MPDZ: variants seen among roughly 807,000 people sequenced by gnomAD.
The protein encoded by MPDZ is multiple PDZ domain crumbs cell polarity complex component.
Under a neutral mutation model 239.1 loss-of-function variants are expected in MPDZ, and 234 were observed. The ratio of observed to expected loss-of-function variants is 0.98; its 90% CI spans 0.88 to 1.09. The LOEUF (loss-of-function observed/expected upper bound fraction) is 1.09. Ranked by LOEUF, MPDZ falls within the 50% of genes least tolerant of loss-of-function variation. The pLI is 0.00. For missense variants in MPDZ, 3,175 were observed against 2,510.0 expected (o/e 1.26, Z -5.66); for synonymous variants, 1,048 against 881.3 (o/e 1.19, Z -3.35).
At chr9:13,187,297 G>C (rs4574941) in intron 17 of MPDZ, among the ~76,000 whole-genome samples, 1 of 147,478 alleles carries the variant, frequency 6.8e-6, no homozygotes, top group South Asian at 2.1e-4. Context: ...GAACTATACA[G>C]AAAAAAAAAA....
chr9:13,122,253 C>T (rs1586958675), intron 36 of MPDZ, 83 bp from the exon 37 acceptor site: 1 of 1,184,088 alleles, frequency 8.4e-7, no homozygotes, highest in Non-Finnish European at 1.2e-6. Flanking sequence ...ACACATTATA[C>T]TTTGATAGAC....
chr9:13,257,214 G>C (rs1185247248), intron 1 of MPDZ, among the ~76,000 whole-genome samples: 1 of 152,148 alleles, frequency 6.6e-6, no homozygotes, highest in African/African-American at 2.4e-5. Flanking sequence ...TTCAATATCT[G>C]TTAGGCACCA....
chr9:13,168,610 C>T (rs1951388743), intron 21 of MPDZ, 46 bp from the exon 22 acceptor site: 1 of 1,276,086 alleles, frequency 7.8e-7, no homozygotes, highest in African/African-American at 1.6e-5. Context: ...CATGATTTTT[C>T]AATTCATTTT....
At chr9:13,147,768 T>G (rs904345822) in intron 25 of MPDZ, 110 bp from the exon 26 acceptor site, 2 of 727,060 alleles carry the variant, frequency 2.8e-6, no homozygotes, top group African/African-American at 1.8e-5. Context: ...AAATCTGTTT[T>G]AATATCAAAA....
chr9:13,133,726 G>A, intron 32 of MPDZ, 98 bp downstream of exon 32: 3 of 776,524 alleles, frequency 3.9e-6, no homozygotes, highest in Non-Finnish European at 6.4e-6. Flanking sequence ...TGATGCTGAT[G>A]CTGTTAATCT....
Position 13,223,593 on chromosome 9 carries a change from G to GT in MPDZ, c.510dup (p.Gln171ThrfsTer8). 1 of 1,612,110 alleles carries GT rather than the reference G, an allele frequency of 6.2e-7. No homozygotes were observed. The highest frequency in any genetic ancestry group is 8.5e-7 in the Non-Finnish European group (1 of 1,178,754). ...CACCTATGGGCCACACTGCCCTCTT[G>GT]TATCTCTTGAACAAATATTCCCAGC... is the stretch of plus-strand genomic sequence containing the variant. On this transcript the variant is annotated frameshift_variant, in exon 5 of 47. Transcript: ENST00000319217. LOFTEE classifies it high-confidence loss of function.
intron 19 of MPDZ, among the ~76,000 whole-genome samples, chr9:13,179,397 A>T (rs993199987): frequency 2.0e-5 from 3 of 152,198 alleles, no homozygotes; most frequent in African/African-American, 7.2e-5. Flanking sequence ...AAAAGAGGTC[A>T]AGTCGCCCTT....
intron 24 of MPDZ, among the ~76,000 whole-genome samples, chr9:13,154,901 T>C (rs1239554769): frequency 1.3e-5 from 2 of 152,114 alleles, no homozygotes; most frequent in Non-Finnish European, 2.9e-5. Flanking sequence ...AAGGGAACAT[T>C]CATATATTGG....
intron 1 of MPDZ, 72 bp downstream of exon 1, chr9:13,279,328 T>C (rs1389536432): frequency 3.4e-5 from 4 of 117,894 alleles, no homozygotes; most frequent in African/African-American, 1.2e-4. Flanking sequence ...CCCGCGCACC[T>C]TCCCCGCCGG....
intron 10 of MPDZ, among the ~76,000 whole-genome samples, chr9:13,207,738 C>T (rs971479056): frequency 3.3e-5 from 5 of 152,126 alleles, no homozygotes; most frequent in African/African-American, 1.2e-4. Context: ...CAAGGACAGG[C>T]TCTGTATCAT....
At chr9:13,213,514 A>G (rs112331150) in intron 10 of MPDZ, among the ~76,000 whole-genome samples, 4 of 152,192 alleles carry the variant, frequency 2.6e-5, no homozygotes, top group African/African-American at 9.6e-5. Context: ...TGTGAAGAAC[A>G]TTACTGCAAA....
In MPDZ at chr9:13,175,848, A is replaced by C; in HGVS notation, c.2959T>G (p.Ser987Ala). The change falls in exon 21 of 47, where the codon TCC (serine) becomes GCC (alanine). Residue 987 changes from serine to alanine, a missense_variant. Physicochemically the swap from Ser to Ala is moderately conservative, Grantham distance 99 (BLOSUM62 1). Transcript: ENST00000319217. ...KGSEYLLEQSSLACNAECVML... is the reference protein window; with the variant it reads ...KGSEYLLEQSALACNAECVML... ...ACACACTCAGCATTACAGGCCAGGG[A>C]GCTCTGTTCAAGCAGGTACTCAGAG... 5.0e-6 allele frequency: 8 copies of C among 1,593,846 alleles called. No homozygotes were observed. Among genetic ancestry groups the C allele is most frequent in the South Asian group, 2.3e-5 (2 of 87,346 alleles).
At chr9:13,154,506 T>G (rs545892109) in intron 24 of MPDZ, among the ~76,000 whole-genome samples, 1 of 152,282 alleles carries the variant, frequency 6.6e-6, no homozygotes, top group Admixed American at 6.5e-5. Context: ...GGGCATTTAT[T>G]TAGTCTCTGT....
chr9:13,152,115 A>C (rs1949253677), intron 24 of MPDZ, among the ~76,000 whole-genome samples: 1 of 152,128 alleles, frequency 6.6e-6, no homozygotes, highest in African/African-American at 2.4e-5. Flanking sequence ...TAAGCTTAGC[A>C]ACCAAATCAA....
In MPDZ at chr9:13,188,757, G is replaced by C. The variant is rs766018499; in HGVS notation, c.2364+27C>G. 5 of 1,592,210 alleles carry C rather than the reference G, an allele frequency of 3.1e-6. No individual in the cohort carries two copies. In the African/African-American group the frequency reaches 6.7e-5, roughly 21 times the overall value. ...GAACCATTTTGCTTATAAATATAAA[G>C]GGAAGCAATAAAGTCTGAATTCTTA... On this transcript the variant is annotated intron_variant, in intron 17 of 46. Transcript: ENST00000319217.
At chr9:13,147,442 G>C (rs1948582159) in intron 26 of MPDZ, 106 bp downstream of exon 26, 1 of 810,226 alleles carries the variant, frequency 1.2e-6, no homozygotes. Flanking sequence ...CCTGAGATTT[G>C]AAAAATCACT....
In MPDZ at chr9:13,128,803, G is replaced by A. The variant is rs559983880; in HGVS notation, c.4465-2031C>T. On this transcript the variant is annotated intron_variant, in intron 32 of 46. Transcript: ENST00000319217. The stretch of plus-strand genomic sequence containing the variant: ...TCCTCTCCCTTCTCCCAAGATACAT[G>A]TAAAAGAAGTAGCACATGGCCAAAC... Among the ~76,000 whole-genome samples the A allele has an allele frequency of 6.6e-5, 10 of 152,230 alleles. No individual in the cohort carries two copies. The South Asian group carries it at 2.1e-3, about 32-fold the overall frequency.
At position 13,206,075 on chromosome 9, in the gene MPDZ, A is replaced by T. The variant is rs1189489243; in HGVS notation, c.1315T>A (p.Phe439Ile). The change falls in exon 11 of 47, where the codon TTT (phenylalanine) becomes ATT (isoleucine). Residue 439 changes from phenylalanine (F) to isoleucine (I), a missense_variant. Transcript: ENST00000319217. ...IAVDGTNLQG[F>I]TNQQAVEVLR... is the part of the protein sequence containing the mutation. ...ACCTCTACTGCTTGCTGATTAGTAA[A>T]ACCCTGAAGGTTTGTGCCATCTACC... The T allele has an allele frequency of 2.5e-6, 4 of 1,610,812 alleles. No individual in the cohort carries two copies. In the Admixed American group the frequency reaches 6.7e-5, roughly 27 times the overall value.
chr9:13,160,690 G>T (rs1950351599), intron 23 of MPDZ, among the ~76,000 whole-genome samples: 1 of 151,320 alleles, frequency 6.6e-6, no homozygotes, highest in Non-Finnish European at 1.5e-5. Flanking sequence ...GTAAATATAG[G>T]CGTCTCCCCT....
Sources: gnomAD v4.1 joint callset for allele counts (sites outside exome capture counted in the v4.1 genomes callset) on GRCh38, gnomAD v4.1.1 for gene constraint, MANE v1.5 for transcripts, NCBI Gene and HGNC (gene_info 2026-07-23, HGNC 2026-07-21) for gene names.